WWP2: variants seen among roughly 807,000 people sequenced by gnomAD.
WWP2 encodes the protein NEDD4-like E3 ubiquitin-protein ligase WWP2.
WWP2 carries 57 observed loss-of-function variants against 121.0 expected under a neutral mutation model. That is an observed-to-expected ratio of 0.47 (90% CI 0.38 to 0.59). WWP2 has a LOEUF of 0.59. Ranked by LOEUF, WWP2 falls within the 20% of genes least tolerant of loss-of-function variation. The pLI is 0.00. For missense variants in WWP2, 962 were observed against 1,158.9 expected (o/e 0.83, Z 2.47); for synonymous variants, 449 against 441.3 (o/e 1.02, Z -0.22).
At chr16:69,823,389 C>G (rs530867959) in intron 4 of WWP2, among the ~76,000 whole-genome samples, 1 of 152,150 alleles carries the variant, frequency 6.6e-6, no homozygotes, top group South Asian at 2.1e-4. Context: ...GGTTGAGTCC[C>G]TGGAGAAAGA....
intron 7 of WWP2, among the ~76,000 whole-genome samples, chr16:69,875,654 A>C (rs2057722566): frequency 6.6e-6 from 1 of 152,262 alleles, no homozygotes; most frequent in African/African-American, 2.4e-5. Context: ...ATTCCATCTC[A>C]AGAAACTGCT....
In WWP2 at chr16:69,833,784, C is replaced by T. The variant is rs188506636; in HGVS notation, c.341-6342C>T. 2.2e-3 allele frequency among the ~76,000 whole-genome samples: 334 copies of T among 152,304 alleles called. 3 individuals carry two copies. The highest frequency in any genetic ancestry group is 7.3e-3 in the African/African-American group (305 of 41,570). On this transcript the variant is annotated intron_variant, in intron 4 of 23. Transcript: ENST00000359154. ...ATTTAGTCCTAATTGAATCAGACTT[C>T]CTCTAGCCATGCTCTAAATTGGCAC... is the stretch of plus-strand genomic sequence containing the variant.
chr16:69,840,187 C>T lies in WWP2; in HGVS notation c.402C>T (p.Gly134=), dbSNP rs377668595. 153 of 1,614,112 alleles carry T rather than the reference C, an allele frequency of 9.5e-5. No homozygotes were observed. The highest frequency in any genetic ancestry group is 1.6e-4 in the Middle Eastern group (1 of 6,084). The part of the protein sequence containing the change: ...QTENKGSVVS[G]GELTIFLDGP... Reference sequence around the variant, plus strand: ...AGAACAAAGGCAGCGTTGTCTCAGGCGGAGAGCTGACAATTTTCCTGGACG... The same window carrying T: ...AGAACAAAGGCAGCGTTGTCTCAGGTGGAGAGCTGACAATTTTCCTGGACG... Residue 134 remains glycine (G), a synonymous_variant, in exon 5 of 24, where the codon GGC becomes GGT. Coordinates refer to ENST00000359154, the MANE Select transcript of WWP2 (RefSeq NM_001270454.2).
At chr16:69,867,781 G>A (rs1454249434) in intron 6 of WWP2, among the ~76,000 whole-genome samples, 1 of 152,212 alleles carries the variant, frequency 6.6e-6, no homozygotes, top group Admixed American at 6.5e-5. Flanking sequence ...TGGCCTGACT[G>A]GCACTGCCAT....
intron 2 of WWP2, among the ~76,000 whole-genome samples, chr16:69,792,053 A>T (rs540410863): frequency 6.6e-6 from 1 of 152,250 alleles, no homozygotes; most frequent in East Asian, 1.9e-4. Context: ...AGAAATAACC[A>T]TTTAAATAGC....
Position 69,925,577 on chromosome 16 carries a change from C to T in WWP2, c.1234+93C>T, listed in dbSNP as rs985740219. ...GCGTGTCTTCCTTCCCTGTTCCTGT[C>T]CCTCTGTTTTCCATCTCTCCCCTCT... On this transcript the variant is annotated intron_variant, in intron 11 of 23. Coordinates refer to ENST00000359154, the MANE Select transcript of WWP2 (RefSeq NM_001270454.2). This position sits in a 1 kb window ranked among gnomAD's most constrained non-coding sequence, Gnocchi z 4.0. The T allele has an allele frequency of 5.4e-6, 8 of 1,488,862 alleles. No individual in the cohort carries two copies. Among genetic ancestry groups the T allele is most frequent in the African/African-American group, 1.4e-5 (1 of 71,350 alleles). 92.2% of individuals were successfully genotyped at this position (1,488,862 alleles called of 1,614,324 possible).
intron 1 of WWP2, among the ~76,000 whole-genome samples, chr16:69,764,988 G>A (rs1271304378): frequency 6.6e-6 from 1 of 152,092 alleles, no homozygotes; most frequent in Non-Finnish European, 1.5e-5. Context: ...TAGATTGCTT[G>A]AGCCCAGGAA....
chr16:69,939,263 C>G, intron 22 of WWP2, 78 bp from the exon 23 acceptor site: 1 of 1,593,354 alleles, frequency 6.3e-7, no homozygotes, highest in Non-Finnish European at 8.6e-7. Flanking sequence ...CCGAGCCCAT[C>G]TGTGGGTGGA....
intron 6 of WWP2, chr16:69,871,587 T>G: frequency 1.9e-6 from 1 of 534,798 alleles, no homozygotes; most frequent in Non-Finnish European, 3.1e-6. Flanking sequence ...GTGGAAAAGT[T>G]TACACAAAGT....
intron 4 of WWP2, among the ~76,000 whole-genome samples, chr16:69,812,201 C>G (rs1293950659): frequency 8.8e-6 from 1 of 113,434 alleles, no homozygotes; most frequent in Non-Finnish European, 1.6e-5. Context: ...GAGTCTCGTT[C>G]TGGCACCCAG....
chr16:69,895,836 C>T (rs2058097230), intron 8 of WWP2, among the ~76,000 whole-genome samples: 1 of 152,170 alleles, frequency 6.6e-6, no homozygotes, highest in Non-Finnish European at 1.5e-5. Context: ...ACAGTTTGGG[C>T]TGTGGACCAT....
rs2038701017 is a variant in WWP2, at chr16:69,765,181, A to G, written c.-16+2790A>G. 4.6e-5 allele frequency among the ~76,000 whole-genome samples: 7 copies of G among 152,238 alleles called. 1 individual carries two copies. In the South Asian group the frequency reaches 1.5e-3, roughly 32 times the overall value. ...CACTCATTGCACTCTAGCCTAGGTGACAGAGTGAGACCCTGTCTCAAAAAA... is the reference window on the plus strand; with the variant it reads ...CACTCATTGCACTCTAGCCTAGGTGGCAGAGTGAGACCCTGTCTCAAAAAA... On this transcript the variant is annotated intron_variant, in intron 1 of 23. Transcript: ENST00000359154.
chr16:69,798,771 A>G lies in WWP2; in HGVS notation c.160A>G (p.Lys54Glu). ...VAVDGLPSET[K>E]KTGKRIGSSE... ...GGTGGATGGACTCCCCAGTGAGACC[A>G]AGAAGACTGGGAAGCGCATTGGGAG... Residue 54 changes from lysine to glutamate, a missense_variant, in exon 3 of 24, where the codon AAG (lysine) becomes GAG (glutamate). By Grantham distance (56) the Lys-to-Glu change is moderately conservative. Transcript: ENST00000359154. 6.2e-7 allele frequency: 1 copy of G among 1,614,122 alleles called. No individual in the cohort carries two copies. Among genetic ancestry groups the G allele is most frequent in the Non-Finnish European group, 8.5e-7 (1 of 1,180,016 alleles).
chr16:69,888,306 T>TAC, intron 8 of WWP2, 57 bp downstream of exon 8: 1 of 1,552,544 alleles, frequency 6.4e-7, no homozygotes, highest in Non-Finnish European at 8.7e-7. Flanking sequence ...GAGGCTCCTT[T>TAC]ACGGGGGTGG....
chr16:69,894,993 C>G (rs930990391), intron 8 of WWP2: 1 of 152,232 alleles, frequency 6.6e-6, no homozygotes, highest in Non-Finnish European at 1.5e-5. Flanking sequence ...CCATTGGCTG[C>G]CCCGTCTGTT....
intron 9 of WWP2, among the ~76,000 whole-genome samples, chr16:69,914,071 C>CAAAAAAAAAAAA (rs34269202): frequency 9.3e-5 from 3 of 32,210 alleles, no homozygotes; most frequent in African/African-American, 1.1e-4. Context: ...GACTCTGTCT[C>CAAAAAAAAAAAA]AAAAAAAAAA....
At chr16:69,853,627 G>C (rs954163675) in intron 6 of WWP2, among the ~76,000 whole-genome samples, 1 of 152,204 alleles carries the variant, frequency 6.6e-6, no homozygotes, top group African/African-American at 2.4e-5. Context: ...GCTGAGACCA[G>C]ACTCAGGGAC....
In WWP2 at chr16:69,935,069, G is replaced by T. The variant is rs2151996453; in HGVS notation, c.1843-784G>T. 6.6e-6 allele frequency among the ~76,000 whole-genome samples: 1 copy of T among 152,334 alleles called. No individual in the cohort carries two copies. Among genetic ancestry groups the T allele is most frequent in the African/African-American group, 2.4e-5 (1 of 41,576 alleles). On this transcript the variant is annotated intron_variant, in intron 17 of 23. Coordinates refer to ENST00000359154, the MANE Select transcript of WWP2 (RefSeq NM_001270454.2). The surrounding 1 kb of genome is among the most constrained non-coding windows in gnomAD (Gnocchi z 5.2). ...GGGAGGTCCTGCCACGTGCCCCGTTGAGGGTCCTGGGAGCGTGGAGAACCC... is the reference window on the plus strand; with the variant it reads ...GGGAGGTCCTGCCACGTGCCCCGTTTAGGGTCCTGGGAGCGTGGAGAACCC...
intron 1 of WWP2, among the ~76,000 whole-genome samples, chr16:69,777,131 A>G (rs1331341335): frequency 6.9e-6 from 1 of 144,892 alleles, no homozygotes; most frequent in Non-Finnish European, 1.5e-5. Flanking sequence ...ACACATATGG[A>G]TATATATACA....
Sources: gnomAD v4.1 joint callset for allele counts (sites outside exome capture counted in the v4.1 genomes callset) on GRCh38, gnomAD v4.1.1 for gene constraint, Gnocchi (gnomAD v3.1) non-coding constraint, MANE v1.5 for transcripts, NCBI Gene and HGNC (gene_info 2026-07-23, HGNC 2026-07-21) for gene names.